Variants in ZEB1 observed in about 807,000 individuals in gnomAD.
The protein encoded by ZEB1 is zinc finger E-box binding homeobox 1, also known as zinc finger E-box-binding homeobox 1.
In ZEB1, 21 loss-of-function variants were observed where a neutral mutation model predicts 84.9. That is an observed-to-expected ratio of 0.25 (90% CI 0.18 to 0.36). The LOEUF is 0.36. ZEB1 is among the 10% of genes least tolerant of loss of function. ZEB1 has a pLI of 1.00. For synonymous variants in ZEB1, 420 were observed against 471.1 expected (o/e 0.89, Z 1.41); for missense variants, 1,104 against 1,330.2 (o/e 0.83, Z 2.65).
At chr10:31,362,789 A>G (rs1450884953) in intron 1 of ZEB1, 2 of 710,990 alleles carry the variant, frequency 2.8e-6, no homozygotes, top group Non-Finnish European at 4.9e-6. Flanking sequence ...GGGCCTCCCA[A>G]AGTGCTGGAT....
At chr10:31,369,424 T>C (rs1196435103) in intron 1 of ZEB1, among the ~76,000 whole-genome samples, 5 of 152,214 alleles carry the variant, frequency 3.3e-5, no homozygotes, top group African/African-American at 1.2e-4. Context: ...TTTAATCTTA[T>C]TAGATTCCAC....
At position 31,521,428 on chromosome 10, in the gene ZEB1, C is replaced by G. The variant is rs1015763652; in HGVS notation, c.2096C>G (p.Ser699Cys). The G allele has an allele frequency of 4.3e-6, 7 of 1,613,952 alleles. No homozygotes were observed. Among genetic ancestry groups the G allele is most frequent in the Non-Finnish European group, 5.1e-6 (6 of 1,180,022 alleles). The change falls in exon 7 of 9, where the codon TCC becomes TGC. Residue 699 changes from serine (S) to cysteine (C), a missense_variant. By Grantham distance (112) the Ser-to-Cys change is moderately radical (BLOSUM62 -1). Transcript: ENST00000424869. ...CCAGTGGGATCAACCACCAATGGTT[C>G]CAGAAGTAGTACACCATCCCCATCA... is the stretch of plus-strand genomic sequence containing the variant. ...VLPVGSTTNG[S>C]RSSTPSPSPL...
At chr10:31,333,579 A>G (rs1320093698) in intron 1 of ZEB1, among the ~76,000 whole-genome samples, 1 of 152,134 alleles carries the variant, frequency 6.6e-6, no homozygotes, top group Non-Finnish European at 1.5e-5. Flanking sequence ...GTACCTTACA[A>G]ACTAGTAGAG....
chr10:31,395,367 G>A (rs1404087646), intron 1 of ZEB1, among the ~76,000 whole-genome samples: 1 of 151,916 alleles, frequency 6.6e-6, no homozygotes, highest in Non-Finnish European at 1.5e-5. Flanking sequence ...CTAACTTTAT[G>A]CAAGAAGAGT....
At chr10:31,416,991 C>T (rs2055325221) in intron 1 of ZEB1, among the ~76,000 whole-genome samples, 1 of 152,176 alleles carries the variant, frequency 6.6e-6, no homozygotes, top group South Asian at 2.1e-4. Context: ...ACCACATCAG[C>T]ATCCATGCTG....
At chr10:31,426,883 G>A (rs1041663435) in intron 1 of ZEB1, among the ~76,000 whole-genome samples, 1 of 152,108 alleles carries the variant, frequency 6.6e-6, no homozygotes, top group African/African-American at 2.4e-5. Context: ...CAATTTCAGG[G>A]TGTTGTTTTT....
chr10:31,354,746 G>A (rs2041859216), intron 1 of ZEB1, among the ~76,000 whole-genome samples: 1 of 152,166 alleles, frequency 6.6e-6, no homozygotes, highest in Non-Finnish European at 1.5e-5. Context: ...ATTATCACTT[G>A]TGAAACCTTC....
intron 1 of ZEB1, among the ~76,000 whole-genome samples, chr10:31,408,045 G>A (rs1273514392): frequency 7.3e-5 from 11 of 151,568 alleles, no homozygotes; most frequent in Admixed American, 5.3e-4. Flanking sequence ...CTTCAGCAAA[G>A]TCTCAGGATA....
At chr10:31,416,310 A>C (rs1189474664) in intron 1 of ZEB1, among the ~76,000 whole-genome samples, 1 of 151,932 alleles carries the variant, frequency 6.6e-6, no homozygotes, top group Non-Finnish European at 1.5e-5. Context: ...CTATTGATAT[A>C]ATTGAATGTT....
At chr10:31,351,263 A>G (rs530062520) in intron 1 of ZEB1, among the ~76,000 whole-genome samples, 1 of 152,280 alleles carries the variant, frequency 6.6e-6, no homozygotes, top group Admixed American at 6.5e-5. Flanking sequence ...ATCTCTTTTT[A>G]GCAAAATAGG....
At chr10:31,500,979 A>G (rs975466416) in intron 3 of ZEB1, among the ~76,000 whole-genome samples, 1 of 152,224 alleles carries the variant, frequency 6.6e-6, no homozygotes, top group African/African-American at 2.4e-5. Context: ...TAGGATCACC[A>G]TTTGTTACTG....
At chr10:31,501,493 C>A (rs1458785545) in intron 3 of ZEB1, among the ~76,000 whole-genome samples, 1 of 152,030 alleles carries the variant, frequency 6.6e-6, no homozygotes, top group Non-Finnish European at 1.5e-5. Context: ...AGATTTGATA[C>A]CCTTTGATGC....
intron 4 of ZEB1, among the ~76,000 whole-genome samples, chr10:31,504,775 A>C (rs1262624916): frequency 6.6e-6 from 1 of 152,072 alleles, no homozygotes; most frequent in African/African-American, 2.4e-5. Flanking sequence ...GGTGTACAGA[A>C]ACACTGCTGA....
At chr10:31,471,754 A>C (rs1455673340) in intron 2 of ZEB1, among the ~76,000 whole-genome samples, 1 of 143,322 alleles carries the variant, frequency 7.0e-6, no homozygotes, top group South Asian at 2.3e-4. Context: ...TCAACAGAAT[A>C]TACATTTTTT....
At chr10:31,483,355 G>A (rs184579952) in intron 2 of ZEB1, among the ~76,000 whole-genome samples, 1 of 151,988 alleles carries the variant, frequency 6.6e-6, no homozygotes, top group African/African-American at 2.4e-5. Flanking sequence ...TTGCCAAGAT[G>A]GTACATTAAG....
intron 2 of ZEB1, among the ~76,000 whole-genome samples, chr10:31,469,496 T>C (rs898083683): frequency 9.8e-5 from 15 of 152,312 alleles, no homozygotes; most frequent in African/African-American, 3.4e-4. Context: ...AATATTGCGC[T>C]TTTCTGACGG....
At chr10:31,430,092 T>C (rs757458092) in intron 1 of ZEB1, among the ~76,000 whole-genome samples, 1 of 152,248 alleles carries the variant, frequency 6.6e-6, no homozygotes, top group Non-Finnish European at 1.5e-5. Flanking sequence ...TCTGACATTC[T>C]GTTTTTTATG....
chr10:31,474,920 A>G (rs531789509), intron 2 of ZEB1, among the ~76,000 whole-genome samples: 1 of 152,146 alleles, frequency 6.6e-6, no homozygotes, highest in Non-Finnish European at 1.5e-5. Flanking sequence ...AGGGACATGG[A>G]TGAAATTGGA....
chr10:31,321,758 A>G, intron 1 of ZEB1: 1 of 610,666 alleles, frequency 1.6e-6, no homozygotes. Flanking sequence ...ATATCAACAG[A>G]TGACTTAAGG....
Sources: gnomAD v4.1 joint callset for allele counts (sites outside exome capture counted in the v4.1 genomes callset) on GRCh38, gnomAD v4.1.1 for gene constraint, MANE v1.5 for transcripts, NCBI Gene and HGNC (gene_info 2026-07-23, HGNC 2026-07-21) for gene names.